The following ZFPM1 variants were observed in gnomAD, a reference collection of about 807,000 sequenced individuals.
ZFPM1 encodes zinc finger protein ZFPM1.
ZFPM1 carries 28 observed loss-of-function variants against 46.3 expected under a neutral mutation model. The ratio of observed to expected loss-of-function variants is 0.60; its 90% CI spans 0.45 to 0.83. ZFPM1 has a LOEUF of 0.83. Ranked by LOEUF, ZFPM1 falls within the 40% of genes least tolerant of loss-of-function variation. ZFPM1 has a pLI of 0.00. For missense variants in ZFPM1, 1,878 were observed against 1,432.4 expected (o/e 1.31, Z -5.02); for synonymous variants, 957 against 675.9 (o/e 1.42, Z -6.45).
At chr16:88,490,467 G>C (rs1345199212) in intron 3 of ZFPM1, among the ~76,000 whole-genome samples, 1 of 152,232 alleles carries the variant, frequency 6.6e-6, no homozygotes, top group Non-Finnish European at 1.5e-5. Flanking sequence ...GTGGAGAGAA[G>C]ATGCATGGTG....
In ZFPM1 at chr16:88,470,185, G is replaced by A. The variant is rs192336442; in HGVS notation, c.41-15754G>A. ...AGGAGCATCGCCTGTGGAGAGCCAC[G>A]GTCCTTGTCCCTGTGCTGGGGCTGT... On this transcript the variant is annotated intron_variant, in intron 1 of 9. Coordinates refer to ENST00000319555, the MANE Select transcript of ZFPM1 (RefSeq NM_153813.3). Among the ~76,000 whole-genome samples, 80 of 152,314 alleles carry A rather than the reference G, an allele frequency of 5.3e-4. No homozygotes were observed. In the Middle Eastern group the frequency reaches 0.014, roughly 26 times the overall value.
intron 4 of ZFPM1, among the ~76,000 whole-genome samples, chr16:88,516,827 C>T (rs774910983): frequency 3.9e-5 from 6 of 152,246 alleles, no homozygotes; most frequent in Non-Finnish European, 8.8e-5. Flanking sequence ...GGTGCAGATG[C>T]GATGCTGTGA....
intron 1 of ZFPM1, among the ~76,000 whole-genome samples, chr16:88,481,391 C>T (rs932680087): frequency 1.3e-5 from 2 of 152,270 alleles, no homozygotes; most frequent in African/African-American, 4.8e-5. Context: ...GGTCTGAAAC[C>T]CAGCCCCAAG....
At chr16:88,496,101 G>A (rs1175497703) in intron 3 of ZFPM1, among the ~76,000 whole-genome samples, 1 of 152,166 alleles carries the variant, frequency 6.6e-6, no homozygotes, top group Non-Finnish European at 1.5e-5. Flanking sequence ...AGCCGAAGGA[G>A]GAGGCTTCCA....
At chr16:88,505,151 G>A (rs1033166666) in intron 3 of ZFPM1, among the ~76,000 whole-genome samples, 5 of 152,354 alleles carry the variant, frequency 3.3e-5, no homozygotes, top group Admixed American at 6.5e-5. Context: ...ACCTGGGGCC[G>A]GCCCTTCCTG....
At chr16:88,533,040 C>G (rs966583074) in intron 9 of ZFPM1, 105 bp downstream of exon 9, 1 of 1,507,076 alleles carries the variant, frequency 6.6e-7, no homozygotes, top group African/African-American at 1.4e-5. Context: ...TCAGCCTTCG[C>G]TCTAAACCAC....
intron 1 of ZFPM1, among the ~76,000 whole-genome samples, chr16:88,465,596 G>A (rs1190267161): frequency 6.6e-6 from 1 of 152,216 alleles, no homozygotes; most frequent in Non-Finnish European, 1.5e-5. Context: ...TATACAGTAG[G>A]TACTTAATAA....
intron 3 of ZFPM1, among the ~76,000 whole-genome samples, chr16:88,507,692 G>A (rs981218828): frequency 1.3e-5 from 2 of 152,212 alleles, no homozygotes; most frequent in African/African-American, 4.8e-5. Flanking sequence ...TCGGGGAGAA[G>A]TGGCAGCCCT....
chr16:88,454,620 A>G (rs1907453614), intron 1 of ZFPM1, among the ~76,000 whole-genome samples: 1 of 152,236 alleles, frequency 6.6e-6, no homozygotes, highest in African/African-American at 2.4e-5. Flanking sequence ...CGCGATGAGA[A>G]CTAAGCTGTC....
Position 88,533,252 on chromosome 16 carries a change from G to T in ZFPM1, c.1294G>T (p.Ala432Ser). The change falls in exon 10 of 10, where the codon GCC becomes TCC. Residue 432 changes from alanine to serine, a missense_variant. By Grantham distance (99) the Ala-to-Ser change is moderately conservative. Transcript: ENST00000319555. The stretch of plus-strand genomic sequence containing the variant: ...CCCATCGCCAGGACTGGACAGAAAG[G>T]CCCTGGCCGAGGCCACCAACGGAGA... Reference protein sequence around the residue: ...PTPSPGLDRKALAEATNGEAR... With the variant: ...PTPSPGLDRKSLAEATNGEAR... The T allele has an allele frequency of 6.4e-7, 1 of 1,554,162 alleles. No homozygotes were observed. Among genetic ancestry groups the T allele is most frequent in the Non-Finnish European group, 8.6e-7 (1 of 1,157,322 alleles).
chr16:88,501,493 C>T (rs12920907), intron 3 of ZFPM1, among the ~76,000 whole-genome samples: 1 of 74,808 alleles, frequency 1.3e-5, no homozygotes, highest in Admixed American at 1.6e-4. Flanking sequence ...TGCGTGGGCC[C>T]TCCCGCAGGT....
intron 3 of ZFPM1, among the ~76,000 whole-genome samples, chr16:88,508,996 C>T (rs1379566253): frequency 2.6e-5 from 4 of 152,002 alleles, no homozygotes; most frequent in African/African-American, 7.2e-5. Flanking sequence ...CCCCGCCCCA[C>T]GCAGCTGACC....
At chr16:88,483,537 C>T (rs567521389) in intron 1 of ZFPM1, among the ~76,000 whole-genome samples, 4 of 152,254 alleles carry the variant, frequency 2.6e-5, no homozygotes, top group Non-Finnish European at 2.9e-5. Flanking sequence ...GATCTACCGG[C>T]GGCAGCCCCT....
chr16:88,488,283 G>T (rs1309986284), intron 2 of ZFPM1, among the ~76,000 whole-genome samples: 1 of 152,074 alleles, frequency 6.6e-6, no homozygotes, highest in African/African-American at 2.4e-5. Flanking sequence ...AGGAGCCAGG[G>T]CCGCATGGGG....
chr16:88,529,503 C>CT (rs1020418757), intron 6 of ZFPM1, among the ~76,000 whole-genome samples: 2 of 152,214 alleles, frequency 1.3e-5, no homozygotes, highest in Non-Finnish European at 2.9e-5. Flanking sequence ...GACCCCCACT[C>CT]TTTGAGTGTC....
At chr16:88,509,419 G>A (rs1456788450) in intron 3 of ZFPM1, among the ~76,000 whole-genome samples, 2 of 152,240 alleles carry the variant, frequency 1.3e-5, no homozygotes, top group Non-Finnish European at 1.5e-5. Flanking sequence ...GGGGTGGCTG[G>A]ACTTTGCACT....
intron 1 of ZFPM1, among the ~76,000 whole-genome samples, chr16:88,460,989 C>T (rs980497609): frequency 1.8e-4 from 2 of 11,360 alleles, no homozygotes; most frequent in African/African-American, 5.6e-4. Flanking sequence ...AGGGGAGGGG[C>T]GGGAGGCCTG....
rs1466800808 is a variant in ZFPM1 at position 88,480,907 on chromosome 16, G to A, written c.41-5032G>A. Among the ~76,000 whole-genome samples the A allele has an allele frequency of 6.6e-6, 1 of 152,262 alleles. No individual in the cohort carries two copies. The highest frequency in any genetic ancestry group is 6.5e-5 in the Admixed American group (1 of 15,290). Reference sequence around the variant, plus strand: ...CCCAGCGCCTCGCCATCAAAGCCGGGAGGGGCCACCTTAATCGTCGGTGTG... The same window carrying A: ...CCCAGCGCCTCGCCATCAAAGCCGGAAGGGGCCACCTTAATCGTCGGTGTG... On this transcript the variant is annotated intron_variant, in intron 1 of 9. Transcript: ENST00000319555. The surrounding 1 kb of genome is among the most constrained non-coding windows in gnomAD (Gnocchi z 4.9).
intron 3 of ZFPM1, among the ~76,000 whole-genome samples, chr16:88,500,185 A>G (rs1331726904): frequency 2.3e-5 from 2 of 86,742 alleles, no homozygotes; most frequent in Non-Finnish European, 2.4e-5. Context: ...GGCCCCTCCC[A>G]GACATCTCGG....
Sources: allele counts gnomAD v4.1 joint callset (sites outside exome capture counted in the v4.1 genomes callset), GRCh38; gene constraint gnomAD v4.1.1; non-coding constraint Gnocchi (gnomAD v3.1); transcripts MANE v1.5; gene names NCBI Gene and HGNC (gene_info 2026-07-23, HGNC 2026-07-21).